LMAN2L: variants seen among roughly 807,000 people sequenced by gnomAD.
The protein encoded by LMAN2L is VIP36-like protein.
A neutral mutation model predicts 44.3 loss-of-function variants in LMAN2L; 30 were observed. The observed-to-expected ratio is 0.68, with a 90% CI of 0.51 to 0.92. LMAN2L has a LOEUF of 0.92. Among genes scored for constraint, LMAN2L ranks in the 40% least tolerant of loss-of-function variants. LMAN2L has a pLI of 0.00. For synonymous variants in LMAN2L, 183 were observed against 171.1 expected, an observed-to-expected ratio of 1.07 and a Z score of -0.54; for missense variants, 429 against 446.1, an observed-to-expected ratio of 0.96 and a Z score of 0.35.
intron 4 of LMAN2L, among the ~76,000 whole-genome samples, chr2:96,724,736 T>A (rs1329246940): frequency 6.6e-6 from 1 of 152,166 alleles, no homozygotes; most frequent in Non-Finnish European, 1.5e-5. Context: ...AGCCTCCGCC[T>A]CCCAGGTTCA....
At chr2:96,737,567 C>T (rs959199107) in intron 2 of LMAN2L, among the ~76,000 whole-genome samples, 4 of 152,144 alleles carry the variant, frequency 2.6e-5, no homozygotes, top group Admixed American at 1.3e-4. Context: ...GCAGGAGGAG[C>T]CCTTAAGCCC....
At chr2:96,725,127 G>A (rs371748032) in intron 4 of LMAN2L, among the ~76,000 whole-genome samples, 7 of 151,882 alleles carry the variant, frequency 4.6e-5, no homozygotes, top group African/African-American at 1.5e-4. Flanking sequence ...CACAGCGCCC[G>A]GCCTATATTT....
chr2:96,715,055 C>T (rs1188600360), intron 4 of LMAN2L, among the ~76,000 whole-genome samples: 2 of 152,200 alleles, frequency 1.3e-5, no homozygotes, highest in African/African-American at 4.8e-5. Flanking sequence ...TCTCCTGCCT[C>T]AGCCTTATGA....
chr2:96,713,823 T>A (rs1238989176), intron 4 of LMAN2L, among the ~76,000 whole-genome samples: 1 of 152,142 alleles, frequency 6.6e-6, no homozygotes, highest in African/African-American at 2.4e-5. Context: ...AATGACAGAT[T>A]TAGAAAATCA....
At position 96,711,682 on chromosome 2, in the gene LMAN2L, G is replaced by T; in HGVS notation, c.758C>A (p.Thr253Asn). Reference protein sequence around the residue: ...VRLPRGYYFGTSSITGDLSDN... With the variant: ...VRLPRGYYFGNSSITGDLSDN... ...TGAGAGATCCCCAGTGATGGAGGAG[G>T]TGCCGAAGTAGTAGCCGCGGGGCAG... The change falls in exon 6 of 8, where the codon ACC (threonine) becomes AAC (asparagine). Residue 253 changes from threonine (T) to asparagine (N), a missense_variant. Thr to Asn is a moderately conservative substitution (Grantham distance 65). Coordinates refer to ENST00000264963, the MANE Select transcript of LMAN2L (RefSeq NM_030805.4). 1.2e-6 allele frequency: 2 copies of T among 1,613,708 alleles called. No individual in the cohort carries two copies. Among genetic ancestry groups the T allele is most frequent in the South Asian group, 2.2e-5 (2 of 91,062 alleles).
At chr2:96,731,451 C>A (rs922410829) in intron 4 of LMAN2L, among the ~76,000 whole-genome samples, 3 of 152,170 alleles carry the variant, frequency 2.0e-5, no homozygotes, top group African/African-American at 7.2e-5. Context: ...GAGATGGAGA[C>A]CATCCTGGCC....
chr2:96,733,673 G>A (rs1034629829), intron 3 of LMAN2L, 72 bp from the exon 4 acceptor site: 2 of 1,253,558 alleles, frequency 1.6e-6, no homozygotes, highest in Non-Finnish European at 2.3e-6. Flanking sequence ...ATATCACTAT[G>A]ATGGAGGAAA....
intron 1 of LMAN2L, among the ~76,000 whole-genome samples, chr2:96,738,279 C>G (rs1558966808): frequency 6.6e-6 from 1 of 152,206 alleles, no homozygotes; most frequent in Non-Finnish European, 1.5e-5. Flanking sequence ...AGAACTCTCA[C>G]TTTATGCATG....
chr2:96,707,546 G>T, intron 7 of LMAN2L, 148 bp from the exon 8 acceptor site: 1 of 1,224,012 alleles, frequency 8.2e-7, no homozygotes, highest in Non-Finnish European at 1.1e-6. Context: ...GAGAAACAAA[G>T]CGGCCCTCCT....
In LMAN2L at chr2:96,712,703, G is replaced by A. The variant is rs774012492; in HGVS notation, c.508-678C>T. 5.3e-5 allele frequency among the ~76,000 whole-genome samples: 8 copies of A among 152,260 alleles called. No individual in the cohort carries two copies. The South Asian group carries it at 1.0e-3, about 20-fold the overall frequency. Reference sequence around the variant, plus strand: ...AGCCTCCTCCACACGTAACTTCTCCGAATAATAATAAGAGGGCAAGGTTCT... The same window carrying A: ...AGCCTCCTCCACACGTAACTTCTCCAAATAATAATAAGAGGGCAAGGTTCT... On this transcript the variant is annotated intron_variant, in intron 4 of 7. Transcript: ENST00000264963.
intron 6 of LMAN2L, among the ~76,000 whole-genome samples, chr2:96,709,836 A>C (rs1573995520): frequency 1.3e-5 from 2 of 152,234 alleles, no homozygotes; most frequent in East Asian, 3.8e-4. Flanking sequence ...ACACAGACTT[A>C]CTAACTTGGG....
At chr2:96,726,024 C>G (rs1199834019) in intron 4 of LMAN2L, among the ~76,000 whole-genome samples, 1 of 151,556 alleles carries the variant, frequency 6.6e-6, no homozygotes, top group Non-Finnish European at 1.5e-5. Flanking sequence ...CCCAGCTACT[C>G]TGGAGGCTGA....
intron 4 of LMAN2L, among the ~76,000 whole-genome samples, chr2:96,728,813 A>T (rs2078329467): frequency 6.6e-6 from 1 of 152,060 alleles, no homozygotes; most frequent in African/African-American, 2.4e-5. Context: ...CGGAGGTTGC[A>T]GTGAGCCGAG....
chr2:96,729,029 G>A (rs1162318025), intron 4 of LMAN2L, among the ~76,000 whole-genome samples: 2 of 151,654 alleles, frequency 1.3e-5, no homozygotes, highest in Admixed American at 6.6e-5. Context: ...AAAATTAGCT[G>A]GGCGTGGTGG....
At position 96,711,719 on chromosome 2, in the gene LMAN2L, G is replaced by T. The variant is rs1254883221; in HGVS notation, c.721C>A (p.Pro241Thr). ...TAGCCGCGGGGCAGGCGGACTCCGG[G>T]CACTTCAATGCAGTCCCTCCACTCA... The part of the protein sequence containing the change: ...KHEWRDCIEV[P>T]GVRLPRGYYF... Residue 241 changes from proline to threonine, a missense_variant, in exon 6 of 8, where the codon CCC (proline) becomes ACC (threonine). Physicochemically the swap from Pro to Thr is conservative, Grantham distance 38 (BLOSUM62 -1). Coordinates refer to ENST00000264963, the MANE Select transcript of LMAN2L (RefSeq NM_030805.4). 1 of 1,614,136 alleles carries T rather than the reference G, an allele frequency of 6.2e-7. No individual in the cohort carries two copies. Among genetic ancestry groups the T allele is most frequent in the Admixed American group, 1.7e-5 (1 of 60,026 alleles).
chr2:96,738,118 G>C (rs971503214), intron 1 of LMAN2L, 51 bp from the exon 2 acceptor site: 3 of 1,280,470 alleles, frequency 2.3e-6, no homozygotes, highest in Non-Finnish European at 3.4e-6. Context: ...AATCCATTCA[G>C]AAAGCAGCCA....
At chr2:96,721,046 G>A (rs989990738) in intron 4 of LMAN2L, among the ~76,000 whole-genome samples, 4 of 152,014 alleles carry the variant, frequency 2.6e-5, no homozygotes, top group Non-Finnish European at 5.9e-5. Context: ...TCAGAGTTAA[G>A]ATTATGATTA....
chr2:96,721,228 A>G (rs1314506664), intron 4 of LMAN2L, among the ~76,000 whole-genome samples: 1 of 151,836 alleles, frequency 6.6e-6, no homozygotes, highest in Non-Finnish European at 1.5e-5. Flanking sequence ...GGGATCATAC[A>G]ATGTGTGGGT....
intron 4 of LMAN2L, among the ~76,000 whole-genome samples, chr2:96,718,040 C>G (rs535524855): frequency 2.6e-5 from 4 of 152,196 alleles, no homozygotes; most frequent in Non-Finnish European, 4.4e-5. Context: ...ACTGCAACCT[C>G]CACCTCCCGG....
Sources: gnomAD v4.1 joint callset for allele counts (sites outside exome capture counted in the v4.1 genomes callset) on GRCh38, gnomAD v4.1.1 for gene constraint, MANE v1.5 for transcripts, NCBI Gene and HGNC (gene_info 2026-07-23, HGNC 2026-07-21) for gene names.